POC1B: variants seen among roughly 807,000 people sequenced by gnomAD.
POC1B encodes POC1 centriolar protein homolog B.
Under a neutral mutation model 60.6 loss-of-function variants are expected in POC1B, and 44 were observed. The observed-to-expected ratio is 0.73, with a 90% CI of 0.57 to 0.93. The LOEUF is 0.93. Ranked by LOEUF, POC1B falls within the 40% of genes least tolerant of loss-of-function variation. The pLI, the probability that POC1B is intolerant of heterozygous loss-of-function variation, is 0.00. For synonymous variants in POC1B, 180 were observed against 198.9 expected (o/e 0.90, Z 0.80); for missense variants, 555 against 572.3 (o/e 0.97, Z 0.31).
chr12:89,442,297 T>C (rs1223567111), intron 10 of POC1B, among the ~76,000 whole-genome samples: 1 of 152,002 alleles, frequency 6.6e-6, no homozygotes, highest in Non-Finnish European at 1.5e-5. Context: ...CCAAGATACA[T>C]AATTGTCAGA....
At chr12:89,439,890 C>CCA (rs1881437669) in intron 10 of POC1B, among the ~76,000 whole-genome samples, 1 of 152,174 alleles carries the variant, frequency 6.6e-6, no homozygotes, top group South Asian at 2.1e-4. Context: ...CAGGCATGAG[C>CCA]CACTGTGCCC....
intron 3 of POC1B, 59 bp downstream of exon 3, chr12:89,497,112 C>G: frequency 6.5e-7 from 1 of 1,539,174 alleles, no homozygotes; most frequent in African/African-American, 1.4e-5. Flanking sequence ...CAGCCAGGGT[C>G]AGCTTTCTTT....
chr12:89,511,576 G>A (rs892670316), intron 2 of POC1B, among the ~76,000 whole-genome samples: 5 of 152,024 alleles, frequency 3.3e-5, no homozygotes, highest in African/African-American at 1.2e-4. Context: ...AGTTTTACCT[G>A]GTGCCATGAC....
At chr12:89,413,554 G>A in the POC1B span, among the ~76,000 whole-genome samples, 3 of 152,110 alleles carry the variant, frequency 2.0e-5, no homozygotes, top group Non-Finnish European at 4.4e-5. Flanking sequence ...TCACACAGAC[G>A]TTGTTCAGTG....
chr12:89,467,592 A>C, intron 8 of POC1B, 25 bp downstream of exon 8: 1 of 1,585,330 alleles, frequency 6.3e-7, no homozygotes, highest in South Asian at 1.1e-5. Context: ...AACCAAATCA[A>C]AGAGGAGCTG....
chr12:89,413,159 A>G, the POC1B span, among the ~76,000 whole-genome samples: 1 of 151,826 alleles, frequency 6.6e-6, no homozygotes, highest in African/African-American at 2.4e-5. Context: ...CCAGCCTCCC[A>G]AAGTGCTGGG....
At chr12:89,441,574 T>A (rs989233828) in intron 10 of POC1B, among the ~76,000 whole-genome samples, 1 of 152,064 alleles carries the variant, frequency 6.6e-6, no homozygotes, top group Admixed American at 6.6e-5. Flanking sequence ...GAAGGAAACC[T>A]AACAAACAGA....
chr12:89,494,813 G>A (rs547084972), intron 3 of POC1B, among the ~76,000 whole-genome samples: 3 of 152,120 alleles, frequency 2.0e-5, no homozygotes, highest in Non-Finnish European at 4.4e-5. Flanking sequence ...GCCACAACCC[G>A]CACCAAGGCC....
At chr12:89,430,429 G>C in intron 10 of POC1B, among the ~76,000 whole-genome samples, 1 of 152,092 alleles carries the variant, frequency 6.6e-6, no homozygotes, top group East Asian at 1.9e-4. Context: ...ATTTTTATTA[G>C]AAAATTAACC....
At chr12:89,404,182 C>T in the POC1B span, among the ~76,000 whole-genome samples, 2 of 151,370 alleles carry the variant, frequency 1.3e-5, no homozygotes, top group African/African-American at 4.9e-5. Flanking sequence ...CTTTCAAATA[C>T]CTAGGTCAGC....
At chr12:89,407,277 G>A in the POC1B span, among the ~76,000 whole-genome samples, 1 of 151,838 alleles carries the variant, frequency 6.6e-6, no homozygotes, top group South Asian at 2.1e-4. Context: ...CTATTGCCCA[G>A]GCTGGAGTAC....
At chr12:89,402,545 C>A in the POC1B span, among the ~76,000 whole-genome samples, 1 of 152,082 alleles carries the variant, frequency 6.6e-6, no homozygotes, top group East Asian at 1.9e-4. Context: ...CTAGTAGACC[C>A]CAGTGTTGGT....
rs187982288 is a variant in POC1B, at chr12:89,501,250, A to G, written c.101-3908T>C. On this transcript the variant is annotated intron_variant, in intron 2 of 11. Transcript: ENST00000313546. ...GCCCTCTGATAAAACAGTACTGGAT[A>G]CAAGTTATGCTTTGACAGGTGAAAC... The G allele has an allele frequency of 2.2e-5, 27 of 1,201,540 alleles. No homozygotes were observed. The African/African-American group carries it at 3.7e-4, about 17-fold the overall frequency. 74.4% of individuals were successfully genotyped at this position (1,201,540 alleles called of 1,614,324 possible). A position where few individuals can be genotyped will look rare whatever the true frequency, so the allele number is the denominator to read the frequency against.
chr12:89,502,581 C>A, intron 2 of POC1B: 1 of 1,217,372 alleles, frequency 8.2e-7, no homozygotes, highest in Non-Finnish European at 1.2e-6. Flanking sequence ...CCTTTGCAGC[C>A]AGCAATGGTA....
chr12:89,472,556 G>C (rs1401144486), intron 4 of POC1B: 2 of 267,730 alleles, frequency 7.5e-6, no homozygotes, highest in East Asian at 2.3e-4. Context: ...TCTGCTTTGG[G>C]GTTTTGATTC....
intron 10 of POC1B, among the ~76,000 whole-genome samples, chr12:89,444,139 G>A (rs1354745203): frequency 6.6e-6 from 1 of 152,078 alleles, no homozygotes; most frequent in Non-Finnish European, 1.5e-5. Flanking sequence ...AAAAGTCCAG[G>A]ACCAGAACGG....
intron 2 of POC1B, among the ~76,000 whole-genome samples, chr12:89,503,840 C>G (rs12312792): frequency 2.0e-5 from 1 of 50,700 alleles, no homozygotes; most frequent in Non-Finnish European, 4.0e-5. Flanking sequence ...CCCCTCCGCC[C>G]GGCAGCCGCC....
At chr12:89,441,954 T>C (rs1881542559) in intron 10 of POC1B, among the ~76,000 whole-genome samples, 1 of 152,104 alleles carries the variant, frequency 6.6e-6, no homozygotes, top group African/African-American at 2.4e-5. Context: ...ACGAGAACCA[T>C]GTGACGCACG....
chr12:89,463,542 A>G (rs949312892), intron 9 of POC1B, among the ~76,000 whole-genome samples: 1 of 152,218 alleles, frequency 6.6e-6, no homozygotes, highest in Non-Finnish European at 1.5e-5. Flanking sequence ...GATGTGCTAT[A>G]GCACAACATG....
Sources: gnomAD v4.1 joint callset for allele counts (sites outside exome capture counted in the v4.1 genomes callset) on GRCh38, gnomAD v4.1.1 for gene constraint, MANE v1.5 for transcripts, NCBI Gene and HGNC (gene_info 2026-07-23, HGNC 2026-07-21) for gene names.